KYAT3: variants seen among roughly 807,000 people sequenced by gnomAD.
KYAT3 encodes the protein kynurenine aminotransferase 3, also known as kynurenine--oxoglutarate transaminase 3.
KYAT3 carries 50 observed loss-of-function variants against 59.0 expected under a neutral mutation model. The observed-to-expected ratio is 0.85, with a 90% CI of 0.68 to 1.07. The LOEUF (loss-of-function observed/expected upper bound fraction) is 1.07. Ranked by LOEUF, KYAT3 falls within the 50% of genes least tolerant of loss-of-function variation. The probability of loss-of-function intolerance (pLI) is 0.00; values close to 1 mark genes in which losing one functional copy is unlikely to be tolerated. For missense variants in KYAT3, 497 were observed against 533.3 expected (o/e 0.93, Z 0.67); for synonymous variants, 148 against 177.0 (o/e 0.84, Z 1.30).
rs758591216 is a variant in KYAT3 at position 88,949,216 on chromosome 1, A to G, written c.1016T>C (p.Phe339Ser). Residue 339 changes from phenylalanine to serine, a missense_variant, in exon 11 of 14, where the codon TTT becomes TCT. Physicochemically the swap from Phe to Ser is radical, Grantham distance 155. Coordinates refer to ENST00000260508, the MANE Select transcript of KYAT3 (RefSeq NM_001008661.3). ...TTCTAACTCTTTTGGCAAAGAATTA[A>G]AGTAACATTCTGGGTCATCCATGCG... The part of the protein sequence containing the change: ...IKRMDDPECY[F>S]NSLPKELEVK... 1 of 1,609,760 alleles carries G rather than the reference A, an allele frequency of 6.2e-7. No individual in the cohort carries two copies. Among genetic ancestry groups the G allele is most frequent in the African/African-American group, 1.3e-5 (1 of 74,828 alleles).
the KYAT3 span, among the ~76,000 whole-genome samples, chr1:88,927,955 A>C: frequency 2.0e-5 from 3 of 151,794 alleles, no homozygotes; most frequent in Non-Finnish European, 2.9e-5. Context: ...CAACAGAGGA[A>C]AGAGAATGAT....
chr1:88,956,137 G>C (rs563608584), intron 8 of KYAT3, among the ~76,000 whole-genome samples: 1 of 152,236 alleles, frequency 6.6e-6, no homozygotes, highest in African/African-American at 2.4e-5. Flanking sequence ...CTTGCACTTA[G>C]GAATACTAGA....
At chr1:88,975,203 A>G (rs1676728154) in intron 2 of KYAT3, among the ~76,000 whole-genome samples, 2 of 152,198 alleles carry the variant, frequency 1.3e-5, no homozygotes, top group Non-Finnish European at 2.9e-5. Flanking sequence ...TAAGAGCTGT[A>G]ACACTCACCA....
chr1:88,965,805 G>A (rs868461761), intron 4 of KYAT3, among the ~76,000 whole-genome samples: 1 of 152,124 alleles, frequency 6.6e-6, no homozygotes, highest in Non-Finnish European at 1.5e-5. Context: ...GAGTAAGAGT[G>A]CAAGTGCAGG....
At chr1:88,942,415 C>G (rs1226714620) in intron 13 of KYAT3, among the ~76,000 whole-genome samples, 1 of 151,972 alleles carries the variant, frequency 6.6e-6, no homozygotes, top group Non-Finnish European at 1.5e-5. Flanking sequence ...CTATTAACTT[C>G]TTTTTTTCTT....
chr1:88,962,565 T>C (rs1209462143), intron 5 of KYAT3, among the ~76,000 whole-genome samples: 1 of 152,182 alleles, frequency 6.6e-6, no homozygotes, highest in Non-Finnish European at 1.5e-5. Flanking sequence ...CAGCAGGCTA[T>C]GTGGGAAGAG....
chr1:88,926,034 A>C, the KYAT3 span, among the ~76,000 whole-genome samples: 2 of 152,204 alleles, frequency 1.3e-5, no homozygotes, highest in East Asian at 1.9e-4. Context: ...GCCCAAATGC[A>C]TTCAATCTGT....
the KYAT3 span, among the ~76,000 whole-genome samples, chr1:88,930,699 C>T: frequency 1.3e-5 from 2 of 152,152 alleles, no homozygotes; most frequent in Non-Finnish European, 2.9e-5. Context: ...CTTAAGTATG[C>T]TTACCTAGTC....
chr1:88,962,110 C>T lies in KYAT3; in HGVS notation c.489G>A (p.Glu163=). Reference sequence around the variant, plus strand: ...TTGCTCCAGCCATTCTCACCATGGGCTCATAGCAGTCATAGAAAGGCACTA... The same window carrying T: ...TTGCTCCAGCCATTCTCACCATGGGTTCATAGCAGTCATAGAAAGGCACTA... ...ILIVPFYDCY[E]PMVRMAGATP... The change falls in exon 6 of 14, where the codon GAG becomes GAA. Residue 163 remains glutamate, a synonymous_variant. Transcript: ENST00000260508. 3 of 1,613,950 alleles carry T rather than the reference C, an allele frequency of 1.9e-6. No homozygotes were observed. The highest frequency in any genetic ancestry group is 4.5e-5 in the East Asian group (2 of 44,864).
intron 2 of KYAT3, among the ~76,000 whole-genome samples, chr1:88,973,097 C>T (rs1239210564): frequency 1.3e-5 from 2 of 152,142 alleles, no homozygotes; most frequent in African/African-American, 2.4e-5. Context: ...TACATAGACC[C>T]TGTGTGAAGA....
At chr1:88,933,329 T>C (rs141479524), downstream of KYAT3, among the ~76,000 whole-genome samples, 362 of 151,898 alleles carry the variant, frequency 2.4e-3, 2 homozygotes, top group African/African-American at 8.4e-3. Flanking sequence ...GCCTGGCACA[T>C]AGTAGGAGTT....
intron 8 of KYAT3, among the ~76,000 whole-genome samples, chr1:88,959,764 C>A (rs1021112085): frequency 6.6e-6 from 1 of 151,530 alleles, no homozygotes; most frequent in African/African-American, 2.4e-5. Context: ...ATCTTTTGGC[C>A]ACTCCTTTTT....
rs372200870 is a variant in KYAT3 at position 88,961,393 on chromosome 1, G to A, written c.654C>T (p.Asn218=). ...GAGACTTGCTTACCTTGCCAAGTGGGTTATGTGGAGTATTTAGTATAATAG... is the reference window on the plus strand; with the variant it reads ...GAGACTTGCTTACCTTGCCAAGTGGATTATGTGGAGTATTTAGTATAATAG... ...TKAIILNTPH[N]PLGKVYNREE... The change falls in exon 7 of 14, where the codon AAC becomes AAT. Residue 218 remains asparagine, a synonymous_variant. Coordinates refer to ENST00000260508, the MANE Select transcript of KYAT3 (RefSeq NM_001008661.3). 9 of 1,613,784 alleles carry A rather than the reference G, an allele frequency of 5.6e-6. No individual in the cohort carries two copies. Among genetic ancestry groups the A allele is most frequent in the African/African-American group, 4.0e-5 (3 of 74,916 alleles).
At chr1:88,974,865 A>T (rs956998552) in intron 2 of KYAT3, among the ~76,000 whole-genome samples, 1 of 151,840 alleles carries the variant, frequency 6.6e-6, no homozygotes, top group East Asian at 1.9e-4. Flanking sequence ...ACCAATCAGC[A>T]CTCTGTAAAA....
In KYAT3 at chr1:88,961,984, T is replaced by A. The variant is rs138347313; in HGVS notation, c.540+75A>T. 1,442 of 1,013,896 alleles carry A rather than the reference T, an allele frequency of 1.4e-3. 6 individuals are homozygous for A. Among genetic ancestry groups the A allele is most frequent in the Non-Finnish European group, 1.1e-3 (674 of 638,632 alleles). 62.8% of individuals were successfully genotyped at this position (1,013,896 alleles called of 1,614,324 possible). ...TGCAATCAAAGTAGAAACTTTATCA[T>A]GACAAAGTAATTGGTATTTTCAAGA... On this transcript the variant is annotated intron_variant, in intron 6 of 13. Coordinates refer to ENST00000260508, the MANE Select transcript of KYAT3 (RefSeq NM_001008661.3).
At chr1:88,990,271 A>AAAACATAAAAAGCAAACAAAC (rs369463192) in intron 1 of KYAT3, among the ~76,000 whole-genome samples, 10,609 of 150,674 alleles carry the variant, frequency 0.07, 1,229 homozygotes, top group African/African-American at 0.24. Flanking sequence ...TCCCGGTTAA[A>AAAACATAAAAAGCAAACAAAC]AAACATAAAA....
At chr1:88,987,869 A>C (rs1045162178) in intron 2 of KYAT3, among the ~76,000 whole-genome samples, 2 of 152,242 alleles carry the variant, frequency 1.3e-5, no homozygotes, top group African/African-American at 4.8e-5. Context: ...TGGTTGACTG[A>C]ATCAAGTTCC....
intron 4 of KYAT3, among the ~76,000 whole-genome samples, chr1:88,967,095 C>T (rs1000788085): frequency 1.3e-5 from 2 of 152,066 alleles, no homozygotes; most frequent in African/African-American, 4.8e-5. Context: ...TGCACACACA[C>T]ATATCTGGAT....
chr1:88,922,688 C>T, the KYAT3 span, among the ~76,000 whole-genome samples: 1 of 152,184 alleles, frequency 6.6e-6, no homozygotes, highest in Non-Finnish European at 1.5e-5. Context: ...TAAAACCGGT[C>T]CCTGGTGCCA....
Sources: allele counts gnomAD v4.1 joint callset (sites outside exome capture counted in the v4.1 genomes callset), GRCh38; gene constraint gnomAD v4.1.1; transcripts MANE v1.5; gene names NCBI Gene and HGNC (gene_info 2026-07-23, HGNC 2026-07-21).